AHDC1: variants seen among roughly 807,000 people sequenced by gnomAD.
AHDC1 encodes the protein transcription factor Gibbin.
A neutral mutation model predicts 87.9 loss-of-function variants in AHDC1; 7 were observed. The ratio of observed to expected loss-of-function variants is 0.08; its 90% CI spans 0.05 to 0.15. AHDC1 has a LOEUF of 0.15. AHDC1 is among the 10% of genes least tolerant of loss of function. AHDC1 has a pLI of 1.00. For missense variants in AHDC1, 1,841 were observed against 2,253.2 expected, an observed-to-expected ratio of 0.82 and a Z score of 3.70; for synonymous variants, 1,051 against 1,006.8, an observed-to-expected ratio of 1.04 and a Z score of -0.83.
At chr1:27,556,871 C>T (rs920983759) in intron 5 of AHDC1, among the ~76,000 whole-genome samples, 7 of 152,078 alleles carry the variant, frequency 4.6e-5, no homozygotes, top group Admixed American at 1.3e-4. Context: ...CACCACCTCC[C>T]ACCAACAGCC....
intron 5 of AHDC1, among the ~76,000 whole-genome samples, chr1:27,555,295 G>A (rs2019767993): frequency 6.6e-6 from 1 of 152,192 alleles, no homozygotes; most frequent in African/African-American, 2.4e-5. Context: ...GCCATCTCAT[G>A]CCCCTCCCAT....
chr1:27,573,571 A>G (rs2088611962), intron 3 of AHDC1, among the ~76,000 whole-genome samples: 2 of 152,282 alleles, frequency 1.3e-5, no homozygotes, highest in South Asian at 4.1e-4. Context: ...TCTGGGCCAC[A>G]TAAATTTGGT....
At chr1:27,559,858 C>T (rs1407713814) in intron 3 of AHDC1, among the ~76,000 whole-genome samples, 1 of 152,188 alleles carries the variant, frequency 6.6e-6, no homozygotes, top group Non-Finnish European at 1.5e-5. Flanking sequence ...TCACGGATTG[C>T]TTATAGGTTC....
chr1:27,551,089 C>A lies in AHDC1; in HGVS notation c.1027G>T (p.Val343Phe). 6.4e-7 allele frequency: 1 copy of A among 1,567,212 alleles called. No homozygotes were observed. Among genetic ancestry groups the A allele is most frequent in the Non-Finnish European group, 8.6e-7 (1 of 1,156,686 alleles). The stretch of plus-strand genomic sequence containing the variant: ...TGGGGCTCCAGACGGCGACCTGGGA[C>A]GTCAAGCAGCTTGGGCAGGGGGTCG... ...ALDPLPKLLD[V>F]PGRRLEPQQP... Residue 343 changes from valine (V) to phenylalanine (F), a missense_variant, in exon 8 of 9, where the codon GTC becomes TTC. Around this residue, in one of 13 missense-constraint regions of AHDC1, gnomAD observed 370 missense variants for 391.5 expected, o/e 0.95. Coordinates refer to ENST00000673934, the MANE Select transcript of AHDC1 (RefSeq NM_001371928.1).
At chr1:27,570,655 C>T (rs879824998) in intron 3 of AHDC1, among the ~76,000 whole-genome samples, 4 of 152,168 alleles carry the variant, frequency 2.6e-5, no homozygotes, top group Non-Finnish European at 4.4e-5. Flanking sequence ...ACACTCTTCT[C>T]TTTGTTTAGA....
intron 5 of AHDC1, among the ~76,000 whole-genome samples, chr1:27,557,431 C>G (rs1472397114): frequency 6.6e-6 from 1 of 152,014 alleles, no homozygotes; most frequent in Non-Finnish European, 1.5e-5. Flanking sequence ...CCCCGCTCCC[C>G]GCCCAGGTCT....
intron 5 of AHDC1, among the ~76,000 whole-genome samples, chr1:27,554,902 G>C (rs2019750733): frequency 6.6e-6 from 1 of 152,254 alleles, no homozygotes; most frequent in African/African-American, 2.4e-5. Flanking sequence ...CCTCACAGCA[G>C]CCTGGGAGGC....
At chr1:27,545,880 T>A (rs1047211908) in intron 8 of AHDC1, among the ~76,000 whole-genome samples, 4 of 152,064 alleles carry the variant, frequency 2.6e-5, no homozygotes, top group Non-Finnish European at 5.9e-5. Context: ...GTCAAGGGCA[T>A]GTGGGAAGTT....
Position 27,547,252 on chromosome 1 carries a change from C to A in AHDC1, c.*43+9G>T. ...CCTCTGCCCACTGCGCCCACATCCC[C>A]AGACTCACCCAGGAACAAAACCTCG... On this transcript the variant is annotated intron_variant, in intron 8 of 8. Transcript: ENST00000673934. This position sits in a 1 kb window ranked among gnomAD's most constrained non-coding sequence, Gnocchi z 4.9. 1 of 1,501,646 alleles carries A rather than the reference C, an allele frequency of 6.7e-7. No homozygotes were observed. Among genetic ancestry groups the A allele is most frequent in the Non-Finnish European group, 8.9e-7 (1 of 1,123,864 alleles). 93.0% of individuals were successfully genotyped at this position (1,501,646 alleles called of 1,614,324 possible).
intron 3 of AHDC1, among the ~76,000 whole-genome samples, chr1:27,586,909 C>T (rs909999391): frequency 4.6e-5 from 7 of 152,188 alleles, no homozygotes; most frequent in African/African-American, 1.4e-4. Flanking sequence ...TCTTCTGGGT[C>T]CCCTCTGGGG....
chr1:27,572,541 C>T (rs2088566700), intron 3 of AHDC1, among the ~76,000 whole-genome samples: 2 of 152,188 alleles, frequency 1.3e-5, no homozygotes, highest in South Asian at 4.1e-4. Flanking sequence ...GCCACACATG[C>T]ACTGTTCAGA....
In AHDC1 at chr1:27,560,863, G is replaced by A. The variant is rs1472216398; in HGVS notation, c.-628-1980C>T. ...AAGGGCTCAGTGTGTGAGTGCGTGT[G>A]TGCATGCATGTGAGATACCCTTTGT... On this transcript the variant is annotated intron_variant, in intron 3 of 8. Coordinates refer to ENST00000673934, the MANE Select transcript of AHDC1 (RefSeq NM_001371928.1). The surrounding 1 kb of genome is among the most constrained non-coding windows in gnomAD (Gnocchi z 4.1). 6.6e-6 allele frequency among the ~76,000 whole-genome samples: 1 copy of A among 152,076 alleles called. No individual in the cohort carries two copies. The highest frequency in any genetic ancestry group is 2.4e-5 in the African/African-American group (1 of 41,378).
In AHDC1 at chr1:27,562,362, G is replaced by A. The variant is rs181796330; in HGVS notation, c.-628-3479C>T. Among the ~76,000 whole-genome samples the A allele has an allele frequency of 1.2e-3, 178 of 152,244 alleles. 1 individual carries two copies. Among genetic ancestry groups the A allele is most frequent in the African/African-American group, 4.1e-3 (169 of 41,524 alleles). On this transcript the variant is annotated intron_variant, in intron 3 of 8. Coordinates refer to ENST00000673934, the MANE Select transcript of AHDC1 (RefSeq NM_001371928.1). The surrounding 1 kb of genome is among the most constrained non-coding windows in gnomAD (Gnocchi z 4.4). ...GACTGACTACCTGAGCTCCCGGCCC[G>A]CGCAGAGCTGCCCCGATTAATCCTG...
In AHDC1 at chr1:27,550,116, C is replaced by T. The variant is rs750971022; in HGVS notation, c.2000G>A (p.Arg667Gln). The T allele has an allele frequency of 5.0e-6, 8 of 1,610,134 alleles. No individual in the cohort carries two copies. The highest frequency in any genetic ancestry group is 2.2e-5 in the East Asian group (1 of 44,890). ...AAAACCGCCTGCTTTGCCCCCACGCCGCCGGAAGCCCTGCACACGATGCAG... is the reference window on the plus strand; with the variant it reads ...AAAACCGCCTGCTTTGCCCCCACGCTGCCGGAAGCCCTGCACACGATGCAG... Reference protein sequence around the residue: ...HFLHRVQGFRRRGGKAGGFGG... With the variant: ...HFLHRVQGFRQRGGKAGGFGG... The change falls in exon 8 of 9, where the codon CGG becomes CAG. Residue 667 changes from arginine (R) to glutamine (Q), a missense_variant. Physicochemically the swap from Arg to Gln is conservative, Grantham distance 43. Transcript: ENST00000673934.
At chr1:27,556,658 A>G (rs1458579221) in intron 5 of AHDC1, among the ~76,000 whole-genome samples, 2 of 152,148 alleles carry the variant, frequency 1.3e-5, no homozygotes, top group Non-Finnish European at 2.9e-5. Context: ...AGAGGCACAG[A>G]GAGGTTAAGT....
chr1:27,549,408 C>T lies in AHDC1; in HGVS notation c.2708G>A (p.Ser903Asn). 6.2e-7 allele frequency: 1 copy of T among 1,612,914 alleles called. No individual in the cohort carries two copies. Among genetic ancestry groups the T allele is most frequent in the Non-Finnish European group, 8.5e-7 (1 of 1,179,846 alleles). ...AKASPVAVGS[S>N]GAGADPSFQP... ...AAAGGAGGGGTCCGCCCCAGCCCCG[C>T]TGCTACCCACTGCCACTGGGCTGGC... is the stretch of plus-strand genomic sequence containing the variant. Residue 903 changes from serine to asparagine, a missense_variant, in exon 8 of 9, where the codon AGC becomes AAC. Physicochemically the swap from Ser to Asn is conservative, Grantham distance 46 (BLOSUM62 1). Around this residue, in one of 13 missense-constraint regions of AHDC1, gnomAD observed 378 missense variants for 399.0 expected, o/e 0.95. Transcript: ENST00000673934.
chr1:27,580,595 G>A (rs947240404), intron 3 of AHDC1, among the ~76,000 whole-genome samples: 2 of 152,158 alleles, frequency 1.3e-5, no homozygotes, highest in Non-Finnish European at 2.9e-5. Flanking sequence ...TTCCAACCCT[G>A]ACTGGGCAAG....
intron 3 of AHDC1, among the ~76,000 whole-genome samples, chr1:27,576,222 G>A (rs990522447): frequency 1.6e-4 from 25 of 152,276 alleles, no homozygotes; most frequent in Non-Finnish European, 2.4e-4. Context: ...TTGGGGTTGA[G>A]CTACCCGGCT....
At position 27,548,939 on chromosome 1, in the gene AHDC1, C is replaced by T; in HGVS notation, c.3177G>A (p.Arg1059=). Residue 1059 remains arginine, a synonymous_variant, in exon 8 of 9, where the codon CGG becomes CGA. Coordinates refer to ENST00000673934, the MANE Select transcript of AHDC1 (RefSeq NM_001371928.1). ...SAPTPLRCDS[R]ASTVSPGGYM... ...AGCCACCGGGCGAGACTGTGCTGGC[C>T]CGGCTGTCACAGCGCAGGGGCGTGG... 1 of 1,588,298 alleles carries T rather than the reference C, an allele frequency of 6.3e-7. No homozygotes were observed. The highest frequency in any genetic ancestry group is 2.3e-5 in the East Asian group (1 of 43,920).
Sources: allele counts gnomAD v4.1 joint callset (sites outside exome capture counted in the v4.1 genomes callset), GRCh38; gene constraint gnomAD v4.1.1; regional missense constraint gnomAD v4.1.1; non-coding constraint Gnocchi (gnomAD v3.1); transcripts MANE v1.5; gene names NCBI Gene and HGNC (gene_info 2026-07-23, HGNC 2026-07-21).